Variants in GABRB1 observed in about 807,000 individuals in gnomAD.
The protein encoded by GABRB1 is gamma-aminobutyric acid receptor subunit beta-1.
GABRB1 carries 17 observed loss-of-function variants against 51.6 expected under a neutral mutation model. The observed-to-expected ratio is 0.33, with a 90% CI of 0.23 to 0.49. GABRB1 has a LOEUF of 0.49. GABRB1 is among the 20% of genes least tolerant of loss of function. The pLI, the probability that GABRB1 is intolerant of heterozygous loss-of-function variation, is 0.99. For synonymous variants in GABRB1, 247 were observed against 218.9 expected (o/e 1.13, Z -1.14); for missense variants, 410 against 600.6 (o/e 0.68, Z 3.32).
At chr4:47,130,816 G>A (rs896125871) in intron 3 of GABRB1, among the ~76,000 whole-genome samples, 1 of 152,154 alleles carries the variant, frequency 6.6e-6, no homozygotes, top group African/African-American at 2.4e-5. Flanking sequence ...TCTCAGTACA[G>A]TGCTTCACAT....
chr4:47,406,115 C>T (rs966627161), intron 7 of GABRB1, among the ~76,000 whole-genome samples: 6 of 150,036 alleles, frequency 4.0e-5, no homozygotes, highest in Non-Finnish European at 8.9e-5. Flanking sequence ...CAAATTATGA[C>T]ATTTCTCATG....
intron 3 of GABRB1, among the ~76,000 whole-genome samples, chr4:47,159,333 A>G (rs1717838580): frequency 6.6e-6 from 1 of 152,066 alleles, no homozygotes; most frequent in South Asian, 2.1e-4. Flanking sequence ...GCAAGAGATT[A>G]TGTCATTCAC....
intron 4 of GABRB1, among the ~76,000 whole-genome samples, chr4:47,184,523 C>T (rs1388334066): frequency 6.6e-6 from 1 of 151,914 alleles, no homozygotes; most frequent in African/African-American, 2.4e-5. Flanking sequence ...AGTGATAGCA[C>T]TTCTTTTAGC....
chr4:47,426,088 C>G lies in GABRB1; in HGVS notation c.*70C>G, dbSNP rs899694880. The G allele has an allele frequency of 1.2e-5, 15 of 1,232,420 alleles. No individual in the cohort carries two copies. Among genetic ancestry groups the G allele is most frequent in the Non-Finnish European group, 1.7e-5 (15 of 886,272 alleles). 76.3% of individuals were successfully genotyped at this position (1,232,420 alleles called of 1,614,324 possible). On this transcript the variant is annotated 3_prime_UTR_variant, in exon 9 of 9. Transcript: ENST00000295454. ...GTTTTTTAACCTTACAGGTCCCCAA[C>G]AGCGATACTGCTGTTTCTCGAGGTA...
At chr4:47,302,129 C>T in intron 4 of GABRB1, among the ~76,000 whole-genome samples, 1 of 152,108 alleles carries the variant, frequency 6.6e-6, no homozygotes, top group East Asian at 1.9e-4. Context: ...ATGTTTCCCT[C>T]CTCTGATATA....
At chr4:47,413,967 C>T (rs772386377) in intron 8 of GABRB1, among the ~76,000 whole-genome samples, 2 of 152,130 alleles carry the variant, frequency 1.3e-5, no homozygotes, top group African/African-American at 2.4e-5. Flanking sequence ...CACAGTACAA[C>T]GAGGCTTTAA....
intron 3 of GABRB1, among the ~76,000 whole-genome samples, chr4:47,038,897 G>A (rs1016893725): frequency 1.3e-5 from 2 of 152,096 alleles, no homozygotes; most frequent in Admixed American, 1.3e-4. Flanking sequence ...GTTTATAGTT[G>A]ACTAAATATT....
intron 4 of GABRB1, among the ~76,000 whole-genome samples, chr4:47,310,302 A>G (rs1724624294): frequency 6.6e-6 from 1 of 152,212 alleles, no homozygotes; most frequent in African/African-American, 2.4e-5. Flanking sequence ...ACCTTACAGT[A>G]TTAAAATATA....
intron 3 of GABRB1, among the ~76,000 whole-genome samples, chr4:47,121,467 CTT>C (rs972832471): frequency 5.9e-5 from 9 of 152,062 alleles, no homozygotes; most frequent in Non-Finnish European, 1.0e-4. Context: ...TTAGAAGGTG[CTT>C]TTTTGTGTCA....
At position 47,031,571 on chromosome 4, in the gene GABRB1, G is replaced by C. The variant is rs1035948475; in HGVS notation, c.-81G>C. On this transcript the variant is annotated 5_prime_UTR_variant, in exon 1 of 9. Coordinates refer to ENST00000295454, the MANE Select transcript of GABRB1 (RefSeq NM_000812.4). ...GCTCTGCGCATGCGCAGGTCCATTC[G>C]GGAATTACTGCCCAGCAGCCGACTA... The C allele has an allele frequency of 4.2e-5, 50 of 1,189,762 alleles. No homozygotes were observed. The highest frequency in any genetic ancestry group is 5.9e-5 in the Non-Finnish European group (47 of 796,482). 73.7% of individuals were successfully genotyped at this position (1,189,762 alleles called of 1,614,324 possible).
At chr4:47,200,979 A>G (rs957262602) in intron 4 of GABRB1, among the ~76,000 whole-genome samples, 4 of 152,182 alleles carry the variant, frequency 2.6e-5, no homozygotes, top group African/African-American at 9.6e-5. Context: ...TAGACATGCC[A>G]TATTTTAACA....
chr4:47,022,403 T>G (rs1724951754), intron 1 of GABRB1, among the ~76,000 whole-genome samples: 1 of 152,142 alleles, frequency 6.6e-6, no homozygotes, highest in Admixed American at 6.6e-5. Context: ...CTTCATTGTT[T>G]CTGGTACTAA....
intron 4 of GABRB1, among the ~76,000 whole-genome samples, chr4:47,206,346 C>G (rs1720121547): frequency 6.6e-6 from 1 of 151,946 alleles, no homozygotes; most frequent in East Asian, 1.9e-4. Flanking sequence ...ATGGATTTCT[C>G]TACATGGAAG....
rs112482372 is a variant in GABRB1 at position 47,212,633 on chromosome 4, C to T, written c.461+51164C>T. ...GGTGGAGGTTGCAGTGAGCCGAGAT[C>T]GTGTTGCTGCACTCCAGCCTGAGTG... On this transcript the variant is annotated intron_variant, in intron 4 of 8. Transcript: ENST00000295454. Among the ~76,000 whole-genome samples, 293 of 152,152 alleles carry T rather than the reference C, an allele frequency of 1.9e-3. 3 individuals are homozygous for T. Among genetic ancestry groups the T allele is most frequent in the African/African-American group, 6.6e-3 (275 of 41,522 alleles).
intron 5 of GABRB1, among the ~76,000 whole-genome samples, chr4:47,350,089 A>G (rs1726251950): frequency 6.6e-6 from 1 of 151,090 alleles, no homozygotes; most frequent in African/African-American, 2.4e-5. Flanking sequence ...TATTGGTCTC[A>G]GATAAATTAA....
At chr4:47,264,725 T>C (rs534937908) in intron 4 of GABRB1, among the ~76,000 whole-genome samples, 2 of 152,326 alleles carry the variant, frequency 1.3e-5, no homozygotes, top group South Asian at 4.1e-4. Context: ...ATACACTGTA[T>C]ACACCTGGGG....
chr4:47,252,335 C>T (rs921754204), intron 4 of GABRB1, among the ~76,000 whole-genome samples: 1 of 151,982 alleles, frequency 6.6e-6, no homozygotes, highest in South Asian at 2.1e-4. Context: ...TTCCCTTACC[C>T]ACTTCCACAG....
chr4:47,419,336 GCC>G, intron 8 of GABRB1, among the ~76,000 whole-genome samples: 1 of 152,180 alleles, frequency 6.6e-6, no homozygotes, highest in Non-Finnish European at 1.5e-5. Context: ...TTATATGTGA[GCC>G]CCTCTAAGAC....
Position 47,269,781 on chromosome 4 carries a change from G to A in GABRB1, c.462-50346G>A, listed in dbSNP as rs150746005. ...TTTAATTCTCACCACAAGCATTTCC[G>A]TTATACTGATAAAGAAGCTGAGATG... On this transcript the variant is annotated intron_variant, in intron 4 of 8. Transcript: ENST00000295454. 7.9e-5 allele frequency among the ~76,000 whole-genome samples: 12 copies of A among 152,046 alleles called. No individual in the cohort carries two copies. In the East Asian group the frequency reaches 1.9e-3, roughly 24 times the overall value.
Sources: allele counts gnomAD v4.1 joint callset (sites outside exome capture counted in the v4.1 genomes callset), GRCh38; gene constraint gnomAD v4.1.1; transcripts MANE v1.5; gene names NCBI Gene and HGNC (gene_info 2026-07-23, HGNC 2026-07-21).